Variants in NUP58 observed in about 807,000 individuals in gnomAD.
The protein encoded by NUP58 is nucleoporin p58/p45.
In NUP58, 17 loss-of-function variants were observed where a neutral mutation model predicts 70.1. The observed-to-expected ratio is 0.24, with a 90% confidence interval of 0.17 to 0.36. The LOEUF (loss-of-function observed/expected upper bound fraction) is 0.36. Ranked by LOEUF, NUP58 falls within the 10% of genes least tolerant of loss-of-function variation. NUP58 has a pLI of 1.00. For missense variants in NUP58, 644 were observed against 701.5 expected (o/e 0.92, Z 0.93); for synonymous variants, 275 against 257.6 (o/e 1.07, Z -0.65).
chr13:25,319,403 T>C, intron 7 of NUP58, 53 bp downstream of exon 7: 2 of 1,501,496 alleles, frequency 1.3e-6, no homozygotes, highest in Non-Finnish European at 1.9e-6. Flanking sequence ...TTTAACTTAT[T>C]AAATTGTAGG....
intron 13 of NUP58, chr13:25,333,306 G>A: frequency 1.0e-6 from 1 of 985,286 alleles, no homozygotes; most frequent in Non-Finnish European, 1.2e-6. Context: ...TTTTGTCTTT[G>A]CCCTCTGTGG....
chr13:25,305,552 A>G (rs1258207477), intron 1 of NUP58, among the ~76,000 whole-genome samples: 1 of 152,090 alleles, frequency 6.6e-6, no homozygotes. Flanking sequence ...AGGTGCACAC[A>G]AACACATTTT....
downstream of NUP58, among the ~76,000 whole-genome samples, chr13:25,344,947 T>G (rs370860371): frequency 5.3e-5 from 8 of 152,306 alleles, no homozygotes; most frequent in South Asian, 8.3e-4. Flanking sequence ...GACAGGCTTA[T>G]TCAGTCACAG....
At chr13:25,327,160 C>T in intron 11 of NUP58, 126 bp downstream of exon 11, 1 of 612,082 alleles carries the variant, frequency 1.6e-6, no homozygotes, top group East Asian at 2.7e-5. Flanking sequence ...AAGTCATTTA[C>T]TACTCCTTTA....
intron 10 of NUP58, among the ~76,000 whole-genome samples, chr13:25,325,514 GC>G (rs1208551257): frequency 6.6e-6 from 1 of 152,090 alleles, no homozygotes. Context: ...AATATATCTT[GC>G]CTGTTTATGT....
intron 9 of NUP58, 123 bp from the exon 10 acceptor site, chr13:25,324,866 A>G (rs2031330634): frequency 5.8e-6 from 4 of 690,062 alleles, no homozygotes; most frequent in Non-Finnish European, 1.0e-5. Context: ...TTCTTATAGC[A>G]TGAACCTCCA....
chr13:25,302,861 T>G (rs2030096754), intron 1 of NUP58: 1 of 425,546 alleles, frequency 2.3e-6, no homozygotes, highest in Admixed American at 2.8e-5. Flanking sequence ...TTATTCTTAC[T>G]CTACTCGCTC....
chr13:25,339,669 CAT>C (rs2031896237), intron 15 of NUP58, among the ~76,000 whole-genome samples: 1 of 152,152 alleles, frequency 6.6e-6, no homozygotes, highest in South Asian at 2.1e-4. Flanking sequence ...GGCACCTTGA[CAT>C]ATTTAATTAA....
In NUP58 at chr13:25,320,922, A is replaced by G. The variant is rs2031154315; in HGVS notation, c.780A>G (p.Lys260=). Residue 260 remains lysine (K), a synonymous_variant, in exon 9 of 16, where the codon AAA becomes AAG. Coordinates refer to ENST00000381736, the MANE Select transcript of NUP58 (RefSeq NM_014089.4). ...VICQDVENLQ[K]FVKEQKQVQE... is the part of the protein sequence containing the mutation. ...CAGTTTTAAATATATTTTTTAGGAAATTTGTGAAGGAGCAGAAACAAGTTC... is the reference window on the plus strand; with the variant it reads ...CAGTTTTAAATATATTTTTTAGGAAGTTTGTGAAGGAGCAGAAACAAGTTC... 6.5e-7 allele frequency: 1 copy of G among 1,543,540 alleles called. No homozygotes were observed. The highest frequency in any genetic ancestry group is 8.7e-7 in the Non-Finnish European group (1 of 1,151,926).
chr13:25,304,333 C>G lies in NUP58; in HGVS notation c.107+2453C>G, dbSNP rs553561989. 4.6e-5 allele frequency among the ~76,000 whole-genome samples: 7 copies of G among 151,678 alleles called. No homozygotes were observed. The East Asian group carries it at 1.4e-3, about 29-fold the overall frequency. On this transcript the variant is annotated intron_variant, in intron 1 of 15. Transcript: ENST00000381736. ...CAAGTTTAGGGTAGCTTTTGCTTTTCTTGAATTTAGTAAATTTCACTGCCA... is the reference window on the plus strand; with the variant it reads ...CAAGTTTAGGGTAGCTTTTGCTTTTGTTGAATTTAGTAAATTTCACTGCCA...
Position 25,309,411 on chromosome 13 carries a change from A to G in NUP58, c.286+129A>G, listed in dbSNP as rs1327228865. On this transcript the variant is annotated intron_variant, in intron 3 of 15. Transcript: ENST00000381736. ...GAGTATAGAAAAAAGTGTGTATCAC[A>G]GATGGTGACTTATCGGAGAACCTTT... 6 of 665,722 alleles carry G rather than the reference A, an allele frequency of 9.0e-6. No homozygotes were observed. In the Admixed American group the frequency reaches 2.0e-4, roughly 23 times the overall value. 41.2% of individuals were successfully genotyped at this position (665,722 alleles called of 1,614,324 possible).
intron 7 of NUP58, 90 bp downstream of exon 7, chr13:25,319,440 CAT>C: frequency 8.0e-7 from 1 of 1,244,530 alleles, no homozygotes; most frequent in East Asian, 2.3e-5. Flanking sequence ...AAGTAAATAT[CAT>C]ATACATTTAG....
rs1233515622 is a variant in NUP58, at chr13:25,313,702, A to C, written c.525A>C (p.Leu175Phe). The change falls in exon 5 of 16, where the codon TTA becomes TTC. Residue 175 changes from leucine (L) to phenylalanine (F), a missense_variant. By Grantham distance (22) the Leu-to-Phe change is conservative. Around this residue, in one of 4 missense-constraint regions of NUP58, gnomAD observed 430 missense variants for 409.2 expected, o/e 1.05. Transcript: ENST00000381736. ...CAGGCCTCTCTTTAGGGGGAGCCTTAGCTGGTTTGGGAGGTTCACTTTTCC... is the reference window on the plus strand; with the variant it reads ...CAGGCCTCTCTTTAGGGGGAGCCTTCGCTGGTTTGGGAGGTTCACTTTTCC... ...ASTGLSLGGA[L>F]AGLGGSLFQS... The C allele has an allele frequency of 7.8e-6, 12 of 1,532,306 alleles. No homozygotes were observed. In the Admixed American group the frequency reaches 3.0e-4, roughly 39 times the overall value. 94.9% of individuals were successfully genotyped at this position (1,532,306 alleles called of 1,614,324 possible). A position where few individuals can be genotyped will look rare whatever the true frequency, so the allele number is the denominator to read the frequency against.
chr13:25,334,423 G>T, intron 13 of NUP58: 2 of 985,376 alleles, frequency 2.0e-6, no homozygotes, highest in South Asian at 9.4e-5. Flanking sequence ...GTTTTGTTAG[G>T]AATTCCTAAT....
At position 25,312,765 on chromosome 13, in the gene NUP58, T is replaced by C. The variant is rs900146014; in HGVS notation, c.287-118T>C. On this transcript the variant is annotated intron_variant, in intron 3 of 15. Coordinates refer to ENST00000381736, the MANE Select transcript of NUP58 (RefSeq NM_014089.4). ...CTCTCACAGATACACCCTTCTTCTA[T>C]TGGCAAAAGGTAGTATCATGAACTT... The C allele has an allele frequency of 7.6e-6, 7 of 919,330 alleles. No individual in the cohort carries two copies. In the African/African-American group the frequency reaches 8.4e-5, roughly 11 times the overall value. The allele number at this position is 919,330 out of a possible 1,614,324, so 56.9% of individuals were successfully genotyped here.
chr13:25,302,135 A>G (rs6491037), intron 1 of NUP58, among the ~76,000 whole-genome samples: 151,006 of 152,394 alleles, frequency 0.99, 74,827 homozygotes, highest in Middle Eastern at 1. Flanking sequence ...TTCAGGCATT[A>G]TTTGGACCTA....
intron 13 of NUP58, chr13:25,333,031 T>G: frequency 3.0e-6 from 3 of 984,384 alleles, no homozygotes; most frequent in Non-Finnish European, 3.6e-6. Context: ...TAAATAGAAC[T>G]TGAGAAATGT....
At chr13:25,345,304 C>T (rs145455480), downstream of NUP58, among the ~76,000 whole-genome samples, 585 of 152,200 alleles carry the variant, frequency 3.8e-3, 3 homozygotes, top group Non-Finnish European at 6.5e-3. Context: ...CAAGGAATAG[C>T]GTGCTGATTT....
intron 9 of NUP58, 121 bp from the exon 10 acceptor site, chr13:25,324,868 G>A (rs533028890): frequency 4.9e-5 from 34 of 694,456 alleles, no homozygotes; most frequent in African/African-American, 4.4e-4. Flanking sequence ...CTTATAGCAT[G>A]AACCTCCAAG....
Sources: allele counts gnomAD v4.1 joint callset (sites outside exome capture counted in the v4.1 genomes callset), GRCh38; gene constraint gnomAD v4.1.1; regional missense constraint gnomAD v4.1.1; transcripts MANE v1.5; gene names NCBI Gene and HGNC (gene_info 2026-07-23, HGNC 2026-07-21).